Variants in CHST9 observed in about 807,000 individuals in gnomAD.
CHST9 encodes carbohydrate sulfotransferase 9, also known as GalNAc-4-sulfotransferase 2.
Under a neutral mutation model 44.4 loss-of-function variants are expected in CHST9, and 41 were observed. The ratio of observed to expected loss-of-function variants is 0.92; its 90% CI spans 0.72 to 1.20. The LOEUF (loss-of-function observed/expected upper bound fraction) is 1.20. Ranked by LOEUF, CHST9 falls within the 50% of genes most tolerant of loss-of-function variation. The probability of loss-of-function intolerance (pLI) is 0.00; values close to 1 mark genes in which losing one functional copy is unlikely to be tolerated. For synonymous variants in CHST9, 171 were observed against 178.4 expected (o/e 0.96, Z 0.33); for missense variants, 504 against 516.5 (o/e 0.98, Z 0.23).
chr18:26,954,851 A>C (rs991685649), intron 4 of CHST9, among the ~76,000 whole-genome samples: 10 of 152,040 alleles, frequency 6.6e-5, no homozygotes, highest in African/African-American at 2.4e-4. Flanking sequence ...GAGGCCAGGG[A>C]CTACATTCAT....
rs146644922 is a variant in CHST9, at chr18:26,922,796, C to T, written c.241-5446G>A. On this transcript the variant is annotated intron_variant, in intron 5 of 5. Transcript: ENST00000618847. The stretch of plus-strand genomic sequence containing the variant: ...GATTACAGGCGCATGCCACCACACC[C>T]GGCTAATTTTTGTATTTTTAGTAGA... 5.7e-3 allele frequency among the ~76,000 whole-genome samples: 872 copies of T among 152,070 alleles called. 16 individuals carry two copies. Among genetic ancestry groups the T allele is most frequent in the East Asian group, 0.035 (181 of 5,150 alleles).
chr18:27,112,874 C>A (rs1223100828), intron 2 of CHST9, among the ~76,000 whole-genome samples: 3 of 152,078 alleles, frequency 2.0e-5, no homozygotes, highest in East Asian at 1.9e-4. Context: ...TTCTTTCTGG[C>A]AATTTGCTGC....
intron 1 of CHST9, among the ~76,000 whole-genome samples, chr18:27,171,010 T>C (rs532706822): frequency 6.6e-6 from 1 of 152,320 alleles, no homozygotes; most frequent in East Asian, 1.9e-4. Context: ...TTATTAGCTA[T>C]GTAGTGGTCT....
chr18:27,118,070 G>A (rs776299355), intron 2 of CHST9, among the ~76,000 whole-genome samples: 11 of 152,260 alleles, frequency 7.2e-5, no homozygotes, highest in Middle Eastern at 3.4e-3. Context: ...GTCAGTGTTT[G>A]GGATTTTGGC....
intron 4 of CHST9, among the ~76,000 whole-genome samples, chr18:26,971,763 C>T (rs2056546457): frequency 6.6e-6 from 1 of 152,108 alleles, no homozygotes; most frequent in Non-Finnish European, 1.5e-5. Context: ...GCTCGGGGGG[C>T]GGGCAGGGAA....
chr18:26,955,813 G>T (rs566982566), intron 4 of CHST9, among the ~76,000 whole-genome samples: 144 of 152,286 alleles, frequency 9.5e-4, no homozygotes, highest in African/African-American at 3.2e-3. Context: ...GCTGCTGGGG[G>T]CCTGAAGGGT....
chr18:27,134,091 C>A (rs1204829395), intron 2 of CHST9, among the ~76,000 whole-genome samples: 1 of 151,960 alleles, frequency 6.6e-6, no homozygotes, highest in Admixed American at 6.6e-5. Context: ...ACAGAGATAA[C>A]CTGAAAGAAA....
intron 2 of CHST9, among the ~76,000 whole-genome samples, chr18:27,141,181 AC>A (rs2058561446): frequency 1.3e-5 from 2 of 151,894 alleles, no homozygotes; most frequent in Admixed American, 1.3e-4. Context: ...ATATGGTGAA[AC>A]CCCGTCTCTA....
chr18:26,985,117 A>G (rs757221094), intron 4 of CHST9, among the ~76,000 whole-genome samples: 1 of 152,258 alleles, frequency 6.6e-6, no homozygotes, highest in Non-Finnish European at 1.5e-5. Context: ...AGTAAAATAG[A>G]TAAATATATG....
chr18:26,959,173 A>G (rs1048080739), intron 4 of CHST9, among the ~76,000 whole-genome samples: 1 of 152,256 alleles, frequency 6.6e-6, no homozygotes, highest in South Asian at 2.1e-4. Context: ...AGGAACACAG[A>G]TGCAGCTAGA....
chr18:27,008,903 T>C (rs1437887915), intron 4 of CHST9, among the ~76,000 whole-genome samples: 4 of 143,904 alleles, frequency 2.8e-5, no homozygotes, highest in Non-Finnish European at 6.2e-5. Context: ...TTTGGTTCTG[T>C]TCTGTTCTGT....
intron 2 of CHST9, among the ~76,000 whole-genome samples, chr18:27,059,771 C>T (rs897997166): frequency 2.0e-5 from 3 of 152,150 alleles, no homozygotes; most frequent in African/African-American, 4.8e-5. Context: ...GTTTTAATCC[C>T]GCTAGCCCCA....
intron 2 of CHST9, among the ~76,000 whole-genome samples, chr18:27,082,294 A>G (rs960133750): frequency 6.6e-6 from 1 of 152,266 alleles, no homozygotes; most frequent in East Asian, 1.9e-4. Context: ...ATTATAATAT[A>G]CTAACTTCAA....
Position 27,110,370 on chromosome 18 carries a change from G to A in CHST9, c.121+32319C>T, listed in dbSNP as rs144954786. On this transcript the variant is annotated intron_variant, in intron 2 of 5. Transcript: ENST00000618847. The stretch of plus-strand genomic sequence containing the variant: ...CCCTGACATTTCTGTATTAATCAGG[G>A]TACTTTATAAAAACCAGAAGTATCT... 3.4e-4 allele frequency among the ~76,000 whole-genome samples: 51 copies of A among 151,924 alleles called. 2 individuals are homozygous for A. The East Asian group carries it at 9.5e-3, about 28-fold the overall frequency.
In CHST9 at chr18:27,017,351, A is replaced by T. The variant is rs1363127136; in HGVS notation, c.202+6765T>A. ...TATTCATAATAGCCTCAAACTAGAA[A>T]CAATCCAAATGTCAAAAACAAGATA... On this transcript the variant is annotated intron_variant, in intron 4 of 5. Transcript: ENST00000618847. Among the ~76,000 whole-genome samples, 3 of 152,226 alleles carry T rather than the reference A, an allele frequency of 2.0e-5. No individual in the cohort carries two copies. The East Asian group carries it at 5.8e-4, about 29-fold the overall frequency.
At chr18:27,055,732 A>G (rs2143592805) in intron 2 of CHST9, among the ~76,000 whole-genome samples, 1 of 152,338 alleles carries the variant, frequency 6.6e-6, no homozygotes, top group Middle Eastern at 3.4e-3. Flanking sequence ...ATATGGATAC[A>G]TAAAATCCAC....
At chr18:27,141,701 T>G (rs1410620854) in intron 2 of CHST9, among the ~76,000 whole-genome samples, 1 of 150,662 alleles carries the variant, frequency 6.6e-6, no homozygotes, top group African/African-American at 2.4e-5. Flanking sequence ...TTAAATTGTC[T>G]TTTGGAGAAG....
intron 4 of CHST9, among the ~76,000 whole-genome samples, chr18:27,016,725 A>T (rs981837907): frequency 1.3e-5 from 2 of 152,204 alleles, no homozygotes; most frequent in African/African-American, 4.8e-5. Context: ...GATGTTTTAT[A>T]TATCTATACT....
intron 2 of CHST9, among the ~76,000 whole-genome samples, chr18:27,064,004 ATCTAACAGG>A (rs1441920911): frequency 3.3e-5 from 5 of 152,164 alleles, no homozygotes; most frequent in Non-Finnish European, 7.4e-5. Flanking sequence ...TTCCAGGGAC[ATCTAACAGG>A]TATCCTCCAG....
Sources: gnomAD v4.1 joint callset for allele counts (sites outside exome capture counted in the v4.1 genomes callset) on GRCh38, gnomAD v4.1.1 for gene constraint, MANE v1.5 for transcripts, NCBI Gene and HGNC (gene_info 2026-07-23, HGNC 2026-07-21) for gene names.